The following RBM19 variants were observed in gnomAD, a reference collection of about 807,000 sequenced individuals.
RBM19 encodes the protein RNA binding motif protein 19.
A neutral mutation model predicts 116.8 loss-of-function variants in RBM19; 94 were observed. That is an observed-to-expected ratio of 0.80 (90% CI 0.68 to 0.95). The LOEUF is 0.95. Among genes scored for constraint, RBM19 ranks in the 40% least tolerant of loss-of-function variants. RBM19 has a pLI of 0.00. For missense variants in RBM19, 1,161 were observed against 1,220.7 expected (o/e 0.95, Z 0.73); for synonymous variants, 475 against 494.1 (o/e 0.96, Z 0.51).
intron 21 of RBM19, 128 bp downstream of exon 21, chr12:113,914,841 T>G (rs939657455): frequency 1.3e-6 from 1 of 789,208 alleles, no homozygotes; most frequent in Admixed American, 2.0e-5. Context: ...AGCCAAAAGA[T>G]GACCTTTGAA....
chr12:113,883,133 C>T (rs1880271312), intron 21 of RBM19, among the ~76,000 whole-genome samples: 1 of 152,168 alleles, frequency 6.6e-6, no homozygotes, highest in Non-Finnish European at 1.5e-5. Flanking sequence ...CTTTGAGGAA[C>T]AGGACATGCA....
rs539436362 is a variant in RBM19 at position 113,856,789 on chromosome 12, T to C, written c.2664+2002A>G. 9.2e-5 allele frequency among the ~76,000 whole-genome samples: 14 copies of C among 152,254 alleles called. 1 individual carries two copies. Among genetic ancestry groups the C allele is most frequent in the Admixed American group, 6.5e-4 (10 of 15,298 alleles). On this transcript the variant is annotated intron_variant, in intron 22 of 23. Coordinates refer to ENST00000261741, the MANE Select transcript of RBM19 (RefSeq NM_016196.4). ...CCTTCCGCCTCCTCATCACAGCCAATAGCCCGTATGTAGGGGCCAGGCCCT... is the reference window on the plus strand; with the variant it reads ...CCTTCCGCCTCCTCATCACAGCCAACAGCCCGTATGTAGGGGCCAGGCCCT...
At chr12:113,828,095 GTC>G (rs1216933300) in intron 23 of RBM19, among the ~76,000 whole-genome samples, 1 of 119,056 alleles carries the variant, frequency 8.4e-6, no homozygotes, top group Non-Finnish European at 1.7e-5. Flanking sequence ...TCTCGACTCT[GTC>G]TCAAAAAAAA....
intron 10 of RBM19, among the ~76,000 whole-genome samples, chr12:113,947,755 G>A (rs903092043): frequency 6.6e-4 from 100 of 152,342 alleles, no homozygotes; most frequent in African/African-American, 2.2e-3. Context: ...GTTCATGCGT[G>A]CATAGTGCAC....
chr12:113,947,933 T>A (rs779703056), intron 10 of RBM19, among the ~76,000 whole-genome samples: 1 of 152,180 alleles, frequency 6.6e-6, no homozygotes, highest in Non-Finnish European at 1.5e-5. Context: ...ATTTGCAATA[T>A]ATCGACAAAT....
chr12:113,966,223 G>C lies in RBM19; in HGVS notation c.5C>G (p.Ser2Trp). 1 of 1,614,244 alleles carries C rather than the reference G, an allele frequency of 6.2e-7. No homozygotes were observed. The highest frequency in any genetic ancestry group is 8.5e-7 in the Non-Finnish European group (1 of 1,180,054). Reference sequence around the variant, plus strand: ...CGGGAGATTCTTCACGATCAGTCGCGACATGGCGCAGGGTCCCCGCTGTTT... The same window carrying C: ...CGGGAGATTCTTCACGATCAGTCGCCACATGGCGCAGGGTCCCCGCTGTTT... M[S>W]RLIVKNLPNG... Residue 2 changes from serine to tryptophan, a missense_variant, in exon 1 of 24, where the codon TCG becomes TGG. By Grantham distance (177) the Ser-to-Trp change is radical. Transcript: ENST00000261741.
intron 6 of RBM19, 68 bp downstream of exon 6, chr12:113,957,714 G>A (rs1308126080): frequency 1.5e-5 from 22 of 1,515,164 alleles, no homozygotes; most frequent in Admixed American, 8.9e-5. Flanking sequence ...TAACAGAGGA[G>A]CTGTGGGGAC....
chr12:113,891,324 A>G (rs1880949763), intron 21 of RBM19, among the ~76,000 whole-genome samples: 1 of 152,170 alleles, frequency 6.6e-6, no homozygotes, highest in African/African-American at 2.4e-5. Flanking sequence ...TCCCATGGGG[A>G]AGTCAACATT....
chr12:113,857,065 T>C (rs1322981032), intron 22 of RBM19, among the ~76,000 whole-genome samples: 1 of 152,218 alleles, frequency 6.6e-6, no homozygotes, highest in Non-Finnish European at 1.5e-5. Flanking sequence ...AGTGAATCCC[T>C]CATTTCTCCC....
intron 21 of RBM19, among the ~76,000 whole-genome samples, chr12:113,890,658 A>T (rs1190661961): frequency 6.6e-6 from 1 of 152,216 alleles, no homozygotes; most frequent in Non-Finnish European, 1.5e-5. Context: ...CCAACCAGCT[A>T]GAAGTGCTGG....
intron 16 of RBM19, among the ~76,000 whole-genome samples, chr12:113,936,495 C>G (rs540489743): frequency 6.6e-6 from 1 of 152,378 alleles, no homozygotes; most frequent in East Asian, 1.9e-4. Flanking sequence ...CAAGAAAGTA[C>G]TGTCCAGTCC....
intron 6 of RBM19, among the ~76,000 whole-genome samples, chr12:113,957,237 G>C (rs1273024002): frequency 1.3e-5 from 2 of 152,130 alleles, no homozygotes; most frequent in African/African-American, 4.8e-5. Context: ...CCTACTTATA[G>C]GCAATTTCTG....
intron 22 of RBM19, among the ~76,000 whole-genome samples, chr12:113,855,947 G>A (rs1026232947): frequency 2.6e-5 from 4 of 152,224 alleles, no homozygotes; most frequent in Non-Finnish European, 5.9e-5. Flanking sequence ...GAAAGCAATG[G>A]CAGCTTCCCT....
chr12:113,875,613 T>A (rs1879616709), intron 21 of RBM19, among the ~76,000 whole-genome samples: 1 of 152,080 alleles, frequency 6.6e-6, no homozygotes, highest in African/African-American at 2.4e-5. Flanking sequence ...TCTCTTTTCT[T>A]AATAAGAAAC....
chr12:113,904,250 A>C (rs1482672546), intron 21 of RBM19, among the ~76,000 whole-genome samples: 1 of 152,156 alleles, frequency 6.6e-6, no homozygotes, highest in East Asian at 1.9e-4. Context: ...GTAAAACCTC[A>C]GGGGTGATGC....
Position 113,953,163 on chromosome 12 carries a change from G to A in RBM19, c.922-573C>T, listed in dbSNP as rs143024832. On this transcript the variant is annotated intron_variant, in intron 7 of 23. Coordinates refer to ENST00000261741, the MANE Select transcript of RBM19 (RefSeq NM_016196.4). ...AGATAAAGACTTCAAGAGAAAAAAG[G>A]GCAAAAGACATGATCGGGCACTTTC... Among the ~76,000 whole-genome samples, 23 of 152,232 alleles carry A rather than the reference G, an allele frequency of 1.5e-4. No individual in the cohort carries two copies. In the East Asian group the frequency reaches 4.4e-3, roughly 29 times the overall value.
At chr12:113,883,676 G>A (rs1462341937) in intron 21 of RBM19, among the ~76,000 whole-genome samples, 5 of 152,166 alleles carry the variant, frequency 3.3e-5, no homozygotes, top group African/African-American at 7.2e-5. Context: ...ACTGATCAGC[G>A]TTGAGCTGGG....
chr12:113,834,260 G>T (rs1025612012), intron 23 of RBM19, among the ~76,000 whole-genome samples: 3 of 151,690 alleles, frequency 2.0e-5, no homozygotes, highest in Non-Finnish European at 4.4e-5. Context: ...AAGAACTGTT[G>T]AATGAATGAA....
chr12:113,962,979 T>G (rs1453960287), intron 1 of RBM19, among the ~76,000 whole-genome samples: 6 of 152,032 alleles, frequency 3.9e-5, no homozygotes, highest in African/African-American at 1.4e-4. Flanking sequence ...GGCGGGAAGA[T>G]CAGAGAAGAT....
Sources: allele counts gnomAD v4.1 joint callset (sites outside exome capture counted in the v4.1 genomes callset), GRCh38; gene constraint gnomAD v4.1.1; transcripts MANE v1.5; gene names NCBI Gene and HGNC (gene_info 2026-07-23, HGNC 2026-07-21).